The following MALRD1 variants were observed in gnomAD, a reference collection of about 807,000 sequenced individuals.
MALRD1 encodes the protein MAM and LDL receptor class A domain containing 1.
In MALRD1, 247 loss-of-function variants were observed where a neutral mutation model predicts 242.1. The observed-to-expected ratio is 1.02, with a 90% CI of 0.92 to 1.13. The LOEUF (loss-of-function observed/expected upper bound fraction) is 1.13, where lower values mean the gene tolerates loss of function less well. MALRD1 is among the 50% of genes most tolerant of loss of function. The pLI is 0.00. For synonymous variants in MALRD1, 995 were observed against 866.6 expected (o/e 1.15, Z -2.60); for missense variants, 2,989 against 2,533.1 (o/e 1.18, Z -3.86).
intron 14 of MALRD1, among the ~76,000 whole-genome samples, chr10:19,177,830 C>T (rs751567781): frequency 1.3e-5 from 2 of 152,232 alleles, no homozygotes; most frequent in African/African-American, 4.8e-5. Context: ...GTCTCCTTGA[C>T]TCCTTTGTGT....
At position 19,686,481 on chromosome 10, in the gene MALRD1, A is replaced by G. The variant is rs143589531; in HGVS notation, c.6138-5801A>G. On this transcript the variant is annotated intron_variant, in intron 36 of 39. Coordinates refer to ENST00000454679, the MANE Select transcript of MALRD1 (RefSeq NM_001142308.3). Reference sequence around the variant, plus strand: ...GTTAAACTCTGCCGTTTTGCTTCTTAGTGTGCACGTGTGAGCCCATTTGCT... The same window carrying G: ...GTTAAACTCTGCCGTTTTGCTTCTTGGTGTGCACGTGTGAGCCCATTTGCT... 5.3e-5 allele frequency among the ~76,000 whole-genome samples: 8 copies of G among 152,272 alleles called. No homozygotes were observed. In the East Asian group the frequency reaches 1.4e-3, roughly 26 times the overall value.
At chr10:19,632,485 A>G (rs1439356346) in intron 36 of MALRD1, among the ~76,000 whole-genome samples, 6 of 152,120 alleles carry the variant, frequency 3.9e-5, no homozygotes, top group African/African-American at 1.4e-4. Context: ...TTTCATCTCT[A>G]TCTTAGTATA....
At chr10:19,230,922 T>G (rs950548782) in intron 18 of MALRD1, among the ~76,000 whole-genome samples, 1 of 152,344 alleles carries the variant, frequency 6.6e-6, no homozygotes, top group East Asian at 1.9e-4. Context: ...TTTGATTAAC[T>G]GGCCATGAAA....
chr10:19,365,786 A>G (rs900994339), intron 26 of MALRD1, among the ~76,000 whole-genome samples: 3 of 152,042 alleles, frequency 2.0e-5, no homozygotes, highest in Non-Finnish European at 4.4e-5. Flanking sequence ...CTGGTATACA[A>G]TACGATGAAT....
chr10:19,167,709 G>T (rs776666129), intron 13 of MALRD1, among the ~76,000 whole-genome samples: 4 of 152,118 alleles, frequency 2.6e-5, no homozygotes, highest in Admixed American at 1.3e-4. Context: ...CTGAGGACAG[G>T]CTGGCTCCCA....
intron 31 of MALRD1, among the ~76,000 whole-genome samples, chr10:19,520,053 A>G (rs1190285472): frequency 2.0e-5 from 3 of 152,044 alleles, no homozygotes; most frequent in Non-Finnish European, 4.4e-5. Context: ...CGTGCACCTG[A>G]CTCTGAACAG....
intron 28 of MALRD1, among the ~76,000 whole-genome samples, chr10:19,449,474 G>A (rs914463757): frequency 3.9e-5 from 6 of 152,132 alleles, no homozygotes; most frequent in South Asian, 2.1e-4. Context: ...CGTGTGTTGC[G>A]AATTCTGCTA....
intron 21 of MALRD1, among the ~76,000 whole-genome samples, chr10:19,297,795 A>G (rs553474339): frequency 3.9e-5 from 6 of 152,100 alleles, no homozygotes; most frequent in East Asian, 3.9e-4. Context: ...AAAGTATTCT[A>G]TGGGAACTGA....
intron 28 of MALRD1, among the ~76,000 whole-genome samples, chr10:19,414,872 A>ATTG (rs1361399796): frequency 6.6e-6 from 1 of 152,170 alleles, no homozygotes; most frequent in East Asian, 1.9e-4. Context: ...AGAGAGTCAT[A>ATTG]TTGTGCAACC....
At chr10:19,382,170 T>C (rs1003166146) in intron 26 of MALRD1, among the ~76,000 whole-genome samples, 16 of 152,192 alleles carry the variant, frequency 1.1e-4, no homozygotes, top group African/African-American at 3.9e-4. Context: ...CAGACTTCAT[T>C]GTGCTAAGAA....
At chr10:19,613,691 A>G (rs1839004145) in intron 35 of MALRD1, among the ~76,000 whole-genome samples, 1 of 152,048 alleles carries the variant, frequency 6.6e-6, no homozygotes, top group African/African-American at 2.4e-5. Flanking sequence ...GAAACATGAC[A>G]CTTTCCTTTT....
intron 28 of MALRD1, among the ~76,000 whole-genome samples, chr10:19,412,863 T>C (rs573574112): frequency 6.6e-6 from 1 of 152,346 alleles, no homozygotes; most frequent in Non-Finnish European, 1.5e-5. Context: ...CTGTTTTCTC[T>C]CATAGTAATG....
In MALRD1 at chr10:19,280,240, A is replaced by C; in HGVS notation, c.3256+17A>C. 2.1e-6 allele frequency: 3 copies of C among 1,462,592 alleles called. No individual in the cohort carries two copies. The highest frequency in any genetic ancestry group is 3.6e-4 in the Middle Eastern group (2 of 5,578). 90.6% of individuals were successfully genotyped at this position (1,462,592 alleles called of 1,614,324 possible). On this transcript the variant is annotated intron_variant, in intron 20 of 39. Transcript: ENST00000454679. ...CATCCTGTGGTAGGTGGATTCTTAA[A>C]ATTTGTTTAAATACTGCTACAAAAT...
intron 29 of MALRD1, among the ~76,000 whole-genome samples, chr10:19,487,847 T>A (rs1328560350): frequency 6.6e-6 from 1 of 152,206 alleles, no homozygotes; most frequent in Non-Finnish European, 1.5e-5. Flanking sequence ...CATATTTGTA[T>A]ATACCAAATT....
At chr10:19,624,075 G>A (rs1208637681) in intron 36 of MALRD1, among the ~76,000 whole-genome samples, 1 of 152,132 alleles carries the variant, frequency 6.6e-6, no homozygotes, top group African/African-American at 2.4e-5. Context: ...ATGCGAATTG[G>A]TGTAATTCTC....
intron 26 of MALRD1, among the ~76,000 whole-genome samples, chr10:19,367,680 TCCATA>T (rs1447768944): frequency 6.6e-6 from 1 of 152,146 alleles, no homozygotes; most frequent in Non-Finnish European, 1.5e-5. Context: ...TTGAGAAACC[TCCATA>T]CTGTTCTTCG....
intron 17 of MALRD1, among the ~76,000 whole-genome samples, chr10:19,209,005 G>A (rs1836914486): frequency 1.3e-5 from 2 of 152,128 alleles, no homozygotes; most frequent in Admixed American, 1.3e-4. Flanking sequence ...ATGGAGAAGA[G>A]ATGTGCATAA....
At chr10:19,402,296 T>C (rs2130857263) in intron 28 of MALRD1, among the ~76,000 whole-genome samples, 1 of 152,266 alleles carries the variant, frequency 6.6e-6, no homozygotes, top group South Asian at 2.1e-4. Context: ...GGTTTGGCTG[T>C]TTCCCCACCC....
At chr10:19,633,780 T>C (rs1409956584) in intron 36 of MALRD1, 2 of 151,928 alleles carry the variant, frequency 1.3e-5, no homozygotes, top group Non-Finnish European at 2.9e-5. Context: ...AGATCAGACA[T>C]TCAAACACAT....
Sources: allele counts gnomAD v4.1 joint callset (sites outside exome capture counted in the v4.1 genomes callset), GRCh38; gene constraint gnomAD v4.1.1; transcripts MANE v1.5; gene names NCBI Gene and HGNC (gene_info 2026-07-23, HGNC 2026-07-21).